Variants in POR observed in about 807,000 individuals in gnomAD.
The protein encoded by POR is NADPH--cytochrome P450 reductase.
POR carries 56 observed loss-of-function variants against 84.0 expected under a neutral mutation model. That is an observed-to-expected ratio of 0.67 (90% CI 0.54 to 0.83). POR has a LOEUF of 0.83. POR is among the 40% of genes least tolerant of loss of function. The pLI is 0.00. For synonymous variants in POR, 414 were observed against 400.5 expected, an observed-to-expected ratio of 1.03 and a Z score of -0.40; for missense variants, 938 against 944.3, an observed-to-expected ratio of 0.99 and a Z score of 0.09.
intron 3 of POR, among the ~76,000 whole-genome samples, chr7:75,975,288 C>T (rs545726206): frequency 2.6e-5 from 4 of 152,158 alleles, no homozygotes; most frequent in African/African-American, 7.2e-5. Flanking sequence ...GCTGTCTAAA[C>T]ACCATGTATT....
chr7:75,924,886 C>T (rs929273488), intron 1 of POR, among the ~76,000 whole-genome samples: 5 of 152,108 alleles, frequency 3.3e-5, no homozygotes, highest in East Asian at 1.9e-4. Context: ...TGTGATAAAT[C>T]GTGTGCCCAG....
At chr7:75,964,293 C>G (rs531738090) in intron 2 of POR, among the ~76,000 whole-genome samples, 10 of 152,228 alleles carry the variant, frequency 6.6e-5, no homozygotes, top group African/African-American at 1.9e-4. Context: ...AGCCACCATG[C>G]CCAGCCTAAG....
intron 1 of POR, among the ~76,000 whole-genome samples, chr7:75,945,648 G>A (rs1787141499): frequency 6.6e-6 from 1 of 152,084 alleles, no homozygotes; most frequent in African/African-American, 2.4e-5. Flanking sequence ...AGGGGCTTGT[G>A]AACCTGAATG....
rs13224908 is a variant in POR, at chr7:75,954,373, C to A, written c.188+193C>A. Among the ~76,000 whole-genome samples, 30 of 152,120 alleles carry A rather than the reference C, an allele frequency of 2.0e-4. No homozygotes were observed. In the East Asian group the frequency reaches 5.8e-3, roughly 29 times the overall value. On this transcript the variant is annotated intron_variant, in intron 2 of 15. Coordinates refer to ENST00000461988, the MANE Select transcript of POR (RefSeq NM_000941.3). ...CATCTCTTATGTGGGGTTTATAAGGCCCTTTTCTATCTGCTGTTTATATGA... is the reference window on the plus strand; with the variant it reads ...CATCTCTTATGTGGGGTTTATAAGGACCTTTTCTATCTGCTGTTTATATGA...
At chr7:75,969,965 G>A (rs1563423366) in intron 2 of POR, among the ~76,000 whole-genome samples, 6 of 152,198 alleles carry the variant, frequency 3.9e-5, no homozygotes, top group Admixed American at 6.5e-5. Context: ...GCGTTGCTGC[G>A]TGAGGGGCAG....
intron 2 of POR, among the ~76,000 whole-genome samples, chr7:75,965,774 C>T (rs1397443595): frequency 2.0e-5 from 3 of 152,142 alleles, no homozygotes; most frequent in African/African-American, 7.2e-5. Flanking sequence ...CAGACTTGCT[C>T]ACGGAGTCCT....
At chr7:75,955,860 G>A (rs373072390) in intron 2 of POR, among the ~76,000 whole-genome samples, 6 of 152,154 alleles carry the variant, frequency 3.9e-5, no homozygotes, top group African/African-American at 1.2e-4. Context: ...GAAGCATGCC[G>A]CTCACATCAA....
chr7:75,944,007 C>G (rs1554551858), intron 1 of POR: 1 of 398,438 alleles, frequency 2.5e-6, no homozygotes, highest in South Asian at 2.0e-5. Flanking sequence ...AGGAAACGTG[C>G]TCTCCTTGGG....
intron 1 of POR, among the ~76,000 whole-genome samples, chr7:75,928,743 A>C (rs1435620247): frequency 1.3e-5 from 2 of 151,992 alleles, no homozygotes. Context: ...GGCCTGGAGG[A>C]CTTTCCCTCT....
At position 75,962,026 on chromosome 7, in the gene POR, A is replaced by G. The variant is rs369248013; in HGVS notation, c.188+7846A>G. Reference sequence around the variant, plus strand: ...GAGACCCTGTCTCAAAAAAAAAAAAAAGTAAACTTCAAGTATTCTCCTTTC... The same window carrying G: ...GAGACCCTGTCTCAAAAAAAAAAAAGAGTAAACTTCAAGTATTCTCCTTTC... On this transcript the variant is annotated intron_variant, in intron 2 of 15. Transcript: ENST00000461988. Among the ~76,000 whole-genome samples the G allele has an allele frequency of 1.4e-4, 22 of 152,132 alleles. No individual in the cohort carries two copies. In the East Asian group the frequency reaches 1.9e-3, roughly 13 times the overall value.
At chr7:75,931,809 C>G (rs185842723) in intron 1 of POR, among the ~76,000 whole-genome samples, 2 of 152,298 alleles carry the variant, frequency 1.3e-5, no homozygotes, top group East Asian at 3.9e-4. Context: ...ACACATGAAC[C>G]GGCTCCCACC....
At chr7:75,980,606 G>C in intron 5 of POR, 118 bp downstream of exon 5, 1 of 1,600,714 alleles carries the variant, frequency 6.2e-7, no homozygotes, top group Non-Finnish European at 8.5e-7. Flanking sequence ...TCAGCAGCCA[G>C]GGCAGGCCAC....
At chr7:75,978,454 A>G (rs1199425657) in intron 3 of POR, among the ~76,000 whole-genome samples, 1 of 152,128 alleles carries the variant, frequency 6.6e-6, no homozygotes, top group Non-Finnish European at 1.5e-5. Context: ...AGTATGTTGG[A>G]GGATGTGTGT....
rs140311932 is a variant in POR at position 75,976,261 on chromosome 7, G to A, written c.238-3190G>A. On this transcript the variant is annotated intron_variant, in intron 3 of 15. Coordinates refer to ENST00000461988, the MANE Select transcript of POR (RefSeq NM_000941.3). ...TGATTATTTTAAAATATCCTTTTGG[G>A]CGAAAACCCTGTCTCTACTAAAAAT... 5.9e-5 allele frequency among the ~76,000 whole-genome samples: 9 copies of A among 151,856 alleles called. No individual in the cohort carries two copies. In the East Asian group the frequency reaches 1.7e-3, roughly 29 times the overall value.
chr7:75,975,157 AT>A lies in POR; in HGVS notation c.237+2706del, dbSNP rs79467024. ...GCTAAAGAGATAAAGATATTCCTGT[AT>A]TTTTTTTTTCTAGTACTTTTAGGGT... On this transcript the variant is annotated intron_variant, in intron 3 of 15. Transcript: ENST00000461988. Among the ~76,000 whole-genome samples the A allele has an allele frequency of 4.8e-3, 715 of 150,162 alleles. 3 individuals carry two copies. The highest frequency in any genetic ancestry group is 9.5e-3 in the Admixed American group (143 of 15,052).
chr7:75,941,252 T>G (rs1554551460), intron 1 of POR, among the ~76,000 whole-genome samples: 1 of 152,194 alleles, frequency 6.6e-6, no homozygotes, highest in Non-Finnish European at 1.5e-5. Flanking sequence ...CTCCTGCCTC[T>G]TTAGGCCCTA....
intron 3 of POR, among the ~76,000 whole-genome samples, chr7:75,974,512 CTTTTTTCTTTTCTTTTTT>C (rs1788584771): frequency 7.6e-6 from 1 of 132,412 alleles, no homozygotes; most frequent in Non-Finnish European, 1.6e-5. Flanking sequence ...GTTTCTTTTT[CTTTTTTCTTTTCTTTTTT>C]TTTTTTTTTT....
At position 75,954,782 on chromosome 7, in the gene POR, A is replaced by C. The variant is rs558005209; in HGVS notation, c.188+602A>C. ...GAGTACAGCGGTGCGATCTCGGCTC[A>C]CTGCAACCTCTGCCTCCCAGGCTCA... On this transcript the variant is annotated intron_variant, in intron 2 of 15. Transcript: ENST00000461988. Among the ~76,000 whole-genome samples, 10 of 148,236 alleles carry C rather than the reference A, an allele frequency of 6.7e-5. No individual in the cohort carries two copies. In the South Asian group the frequency reaches 2.1e-3, roughly 31 times the overall value.
intron 5 of POR, 110 bp downstream of exon 5, chr7:75,980,598 A>T: frequency 6.2e-7 from 1 of 1,605,312 alleles, no homozygotes; most frequent in Non-Finnish European, 8.5e-7. Flanking sequence ...CCCTGTCCTC[A>T]GCAGCCAGGG....
Sources: allele counts gnomAD v4.1 joint callset (sites outside exome capture counted in the v4.1 genomes callset), GRCh38; gene constraint gnomAD v4.1.1; transcripts MANE v1.5; gene names NCBI Gene and HGNC (gene_info 2026-07-23, HGNC 2026-07-21).